SGCZ: variants seen among roughly 807,000 people sequenced by gnomAD.
SGCZ encodes sarcoglycan zeta, also known as zeta-sarcoglycan.
In SGCZ, 40 loss-of-function variants were observed where a neutral mutation model predicts 41.3. The ratio of observed to expected loss-of-function variants is 0.97; its 90% CI spans 0.75 to 1.26. The LOEUF (loss-of-function observed/expected upper bound fraction) is 1.26. Among genes scored for constraint, SGCZ ranks in the 50% most tolerant of loss-of-function variants. The pLI, the probability that SGCZ is intolerant of heterozygous loss-of-function variation, is 0.00. For synonymous variants in SGCZ, 206 were observed against 137.5 expected (o/e 1.50, Z -3.49); for missense variants, 552 against 369.8 (o/e 1.49, Z -4.04).
chr8:14,134,172 T>C (rs1486098854), intron 5 of SGCZ, among the ~76,000 whole-genome samples: 1 of 152,222 alleles, frequency 6.6e-6, no homozygotes, highest in Non-Finnish European at 1.5e-5. Context: ...TTCAAACATA[T>C]TCTTGACAGG....
intron 2 of SGCZ, among the ~76,000 whole-genome samples, chr8:14,390,077 T>A (rs1804715120): frequency 6.6e-6 from 1 of 151,982 alleles, no homozygotes; most frequent in Non-Finnish European, 1.5e-5. Context: ...ACTTTGATGA[T>A]AAATAGACTA....
At chr8:14,980,491 C>A (rs1801624907) in intron 1 of SGCZ, among the ~76,000 whole-genome samples, 1 of 152,114 alleles carries the variant, frequency 6.6e-6, no homozygotes, top group South Asian at 2.1e-4. Flanking sequence ...GAAGACATAA[C>A]CGAGACTGGT....
At chr8:14,114,448 T>C (rs946667389) in intron 5 of SGCZ, among the ~76,000 whole-genome samples, 1 of 151,996 alleles carries the variant, frequency 6.6e-6, no homozygotes, top group African/African-American at 2.4e-5. Context: ...AAGAACACCA[T>C]ATTGTTCATT....
chr8:15,222,613 T>C (rs114393435), intron 1 of SGCZ, among the ~76,000 whole-genome samples: 3 of 152,334 alleles, frequency 2.0e-5, no homozygotes, highest in African/African-American at 7.2e-5. Flanking sequence ...CACCTTCATT[T>C]TGCATTTGTG....
intron 1 of SGCZ, among the ~76,000 whole-genome samples, chr8:14,951,790 C>CA (rs1357324663): frequency 6.6e-6 from 1 of 151,988 alleles, no homozygotes; most frequent in Admixed American, 6.6e-5. Context: ...GTGATCAGAT[C>CA]AATGGCATAT....
rs1204685118 is a variant in SGCZ, at chr8:14,087,724, A to AG, written c.*2718_*2719insC. Among the ~76,000 whole-genome samples, 1 of 150,328 alleles carries AG rather than the reference A, an allele frequency of 6.7e-6. No individual in the cohort carries two copies. Among genetic ancestry groups the AG allele is most frequent in the African/African-American group, 2.5e-5 (1 of 40,194 alleles). On this transcript the variant is annotated 3_prime_UTR_variant, in exon 8 of 8. Transcript: ENST00000382080. ...GGACCACTATATTTTTAAAAAAAAAAAAATGCTTTTTTGTGTTTGAATGTG... is the reference window on the plus strand; with the variant it reads ...GGACCACTATATTTTTAAAAAAAAAAGAAATGCTTTTTTGTGTTTGAATGTG...
intron 3 of SGCZ, among the ~76,000 whole-genome samples, chr8:14,305,652 TAAGAC>T (rs1259303169): frequency 1.3e-5 from 2 of 152,188 alleles, no homozygotes; most frequent in African/African-American, 4.8e-5. Context: ...ATAAAACTAT[TAAGAC>T]AAGAAATAAT....
At chr8:14,535,045 A>T (rs1481041102) in intron 2 of SGCZ, among the ~76,000 whole-genome samples, 1 of 151,970 alleles carries the variant, frequency 6.6e-6, no homozygotes, top group African/African-American at 2.4e-5. Context: ...TTAGTATAAA[A>T]ACTTCATCTA....
Position 15,009,986 on chromosome 8 carries a change from G to A in SGCZ, c.39+227599C>T, listed in dbSNP as rs189613055. Among the ~76,000 whole-genome samples, 30 of 152,232 alleles carry A rather than the reference G, an allele frequency of 2.0e-4. No individual in the cohort carries two copies. The East Asian group carries it at 5.6e-3, about 28-fold the overall frequency. ...AAAATGTAATAATATAGCACAAAGA[G>A]TCCGCTGCTTTAAGTTTTTGGAGAA... On this transcript the variant is annotated intron_variant, in intron 1 of 7. Transcript: ENST00000382080.
At chr8:14,110,810 T>C (rs1480903565) in intron 5 of SGCZ, among the ~76,000 whole-genome samples, 1 of 152,144 alleles carries the variant, frequency 6.6e-6, no homozygotes, top group African/African-American at 2.4e-5. Flanking sequence ...CCCAGCACTT[T>C]AGGAGGACGA....
chr8:14,360,375 C>T (rs1205744661), intron 2 of SGCZ, among the ~76,000 whole-genome samples: 1 of 151,732 alleles, frequency 6.6e-6, no homozygotes. Context: ...GCTCTATCAC[C>T]CAGACTGGAG....
chr8:14,716,608 T>C (rs1809698374), intron 1 of SGCZ, among the ~76,000 whole-genome samples: 1 of 152,106 alleles, frequency 6.6e-6, no homozygotes, highest in Admixed American at 6.6e-5. Context: ...CAAAATTCTA[T>C]TTGTCTGTAA....
At chr8:15,179,751 G>A (rs905112529) in intron 1 of SGCZ, among the ~76,000 whole-genome samples, 1 of 152,280 alleles carries the variant, frequency 6.6e-6, no homozygotes, top group South Asian at 2.1e-4. Context: ...AATCAGAGGA[G>A]AATTAACAAG....
intron 1 of SGCZ, among the ~76,000 whole-genome samples, chr8:14,933,882 T>A (rs1226667557): frequency 6.6e-6 from 1 of 152,064 alleles, no homozygotes; most frequent in Non-Finnish European, 1.5e-5. Context: ...TATTTTTCAA[T>A]GGATGGGTGA....
chr8:14,798,547 T>G (rs1430815421), intron 1 of SGCZ, among the ~76,000 whole-genome samples: 1 of 152,166 alleles, frequency 6.6e-6, no homozygotes, highest in Admixed American at 6.5e-5. Context: ...AGCAAGACTT[T>G]GGAAATATTA....
At chr8:14,280,855 C>G (rs915343420) in intron 3 of SGCZ, among the ~76,000 whole-genome samples, 2 of 150,576 alleles carry the variant, frequency 1.3e-5, no homozygotes, top group Non-Finnish European at 3.0e-5. Flanking sequence ...GGCCTACTCT[C>G]TTACATACTT....
intron 2 of SGCZ, 61 bp from the exon 3 acceptor site, chr8:14,324,265 A>C: frequency 2.5e-6 from 3 of 1,223,706 alleles, no homozygotes; most frequent in Non-Finnish European, 3.6e-6. Context: ...TCTGGCCATA[A>C]TTTTCTTAGG....
chr8:14,588,768 TAAC>T (rs543372123), intron 1 of SGCZ, among the ~76,000 whole-genome samples: 12 of 152,272 alleles, frequency 7.9e-5, no homozygotes, highest in African/African-American at 2.6e-4. Context: ...AATAGATTGA[TAAC>T]AAAGAATTTT....
rs3069627 is a variant in SGCZ, at chr8:14,715,534, C to CCACA, written c.40-160612_40-160609dup. ...GGTAAAATTACACAGATATCCTCCA[C>CCACA]CACACACACACACACACACACACAC... On this transcript the variant is annotated intron_variant, in intron 1 of 7. Transcript: ENST00000382080. Among the ~76,000 whole-genome samples the CCACA allele has an allele frequency of 4.0e-3, 531 of 133,360 alleles. 1 individual carries two copies. The highest frequency in any genetic ancestry group is 0.014 in the African/African-American group (480 of 34,136). 87.5% of individuals were successfully genotyped at this position (133,360 alleles called of 152,430 possible).
Sources: gnomAD v4.1 joint callset for allele counts (sites outside exome capture counted in the v4.1 genomes callset) on GRCh38, gnomAD v4.1.1 for gene constraint, MANE v1.5 for transcripts, NCBI Gene and HGNC (gene_info 2026-07-23, HGNC 2026-07-21) for gene names.